PBRM1: variants seen among roughly 807,000 people sequenced by gnomAD.
PBRM1 encodes polybromo 1, also known as protein polybromo-1.
Under a neutral mutation model 194.5 loss-of-function variants are expected in PBRM1, and 27 were observed. That is an observed-to-expected ratio of 0.14 (90% confidence interval 0.10 to 0.19). The LOEUF (loss-of-function observed/expected upper bound fraction) is 0.19. Among genes scored for constraint, PBRM1 ranks in the 10% least tolerant of loss-of-function variants. The pLI, the probability that PBRM1 is intolerant of heterozygous loss-of-function variation, is 1.00. For missense variants in PBRM1, 1,466 were observed against 2,077.2 expected (o/e 0.71, Z 5.72); for synonymous variants, 655 against 693.2 (o/e 0.94, Z 0.87).
exon 30 of PBRM1, chr3:52,547,999 A>C: frequency 2.9e-6 from 4 of 1,383,158 alleles, no homozygotes; most frequent in Non-Finnish European, 4.0e-6. Context: ...CACCCCCAGT[A>C]ACTAAAATGG....
intron 29 of PBRM1, 100 bp downstream of exon 31, chr3:52,550,321 G>T: frequency 2.2e-6 from 1 of 461,738 alleles, no homozygotes; most frequent in Non-Finnish European, 3.7e-6. Flanking sequence ...AATTGTATAA[G>T]AAAAAGGGGT....
chr3:52,677,788 T>C (rs1420351677), intron 2 of PBRM1, among the ~76,000 whole-genome samples: 1 of 152,210 alleles, frequency 6.6e-6, no homozygotes, highest in Non-Finnish European at 1.5e-5. Context: ...CTCGAACTCC[T>C]GGCCTCAGGT....
chr3:52,618,658 G>A (rs940066843), intron 13 of PBRM1, among the ~76,000 whole-genome samples: 1 of 147,320 alleles, frequency 6.8e-6, no homozygotes, highest in African/African-American at 2.5e-5. Flanking sequence ...GCAATGGCAC[G>A]ATCTCAGCTC....
chr3:52,654,110 T>C (rs1426165406), intron 5 of PBRM1, among the ~76,000 whole-genome samples: 1 of 152,168 alleles, frequency 6.6e-6, no homozygotes, highest in Non-Finnish European at 1.5e-5. Flanking sequence ...AAGTTGGTCT[T>C]ATCAGATGGG....
intron 3 of PBRM1, among the ~76,000 whole-genome samples, chr3:52,662,645 G>A (rs530637586): frequency 6.6e-6 from 1 of 152,156 alleles, no homozygotes; most frequent in Non-Finnish European, 1.5e-5. Context: ...GGCCAACATG[G>A]TGAAACCCCG....
intron 27 of PBRM1, among the ~76,000 whole-genome samples, chr3:52,554,407 G>A (rs2081768954): frequency 6.6e-6 from 1 of 152,250 alleles, no homozygotes; most frequent in Admixed American, 6.5e-5. Context: ...CAGCCTTCTA[G>A]GCTGTCTGGC....
At chr3:52,605,294 C>G (rs780802696) in intron 16 of PBRM1, among the ~76,000 whole-genome samples, 5 of 152,002 alleles carry the variant, frequency 3.3e-5, no homozygotes, top group Non-Finnish European at 5.9e-5. Context: ...GTGATCCTCC[C>G]TCTTCAGCCT....
At chr3:52,662,935 G>A (rs538061800) in intron 3 of PBRM1, among the ~76,000 whole-genome samples, 44 of 151,986 alleles carry the variant, frequency 2.9e-4, no homozygotes, top group African/African-American at 1.0e-3. Flanking sequence ...AGCTAATGAC[G>A]GTTCTGATGT....
chr3:52,670,143 A>G (rs2096918110), intron 2 of PBRM1, among the ~76,000 whole-genome samples: 3 of 152,334 alleles, frequency 2.0e-5, no homozygotes, highest in Non-Finnish European at 2.9e-5. Context: ...ACAATTGAGA[A>G]TTCAATGAGA....
In PBRM1 at chr3:52,609,121, G is replaced by A; in HGVS notation, c.2567+192C>T. Reference sequence around the variant, plus strand: ...CACTGGCCTTAAACTAGATGACTTAGTGGTGTGCCTTCTCTCCCCCACAGA... The same window carrying A: ...CACTGGCCTTAAACTAGATGACTTAATGGTGTGCCTTCTCTCCCCCACAGA... On this transcript the variant is annotated intron_variant, in intron 16 of 29. Transcript: ENST00000296302. This position sits in a 1 kb window ranked among gnomAD's most constrained non-coding sequence, Gnocchi z 4.1. 2 of 547,762 alleles carry A rather than the reference G, an allele frequency of 3.7e-6. No individual in the cohort carries two copies. Among genetic ancestry groups the A allele is most frequent in the Non-Finnish European group, 6.4e-6 (2 of 311,938 alleles). 33.9% of individuals were successfully genotyped at this position (547,762 alleles called of 1,614,324 possible). A position where few individuals can be genotyped will look rare whatever the true frequency, so the allele number is the denominator to read the frequency against.
intron 17 of PBRM1, among the ~76,000 whole-genome samples, chr3:52,601,471 T>C (rs189732520): frequency 1.3e-5 from 2 of 152,096 alleles, no homozygotes; most frequent in African/African-American, 4.8e-5. Flanking sequence ...ATAGGGTTCA[T>C]GCTCCTATGA....
upstream of PBRM1, chr3:52,682,168 TCA>T (rs1440386925): frequency 6.6e-6 from 1 of 152,076 alleles, no homozygotes; most frequent in African/African-American, 2.4e-5. Flanking sequence ...CAGAGTTCAA[TCA>T]CAGAGCTGGA....
At chr3:52,633,636 A>G (rs747797667) in intron 11 of PBRM1, among the ~76,000 whole-genome samples, 33 of 152,324 alleles carry the variant, frequency 2.2e-4, no homozygotes, top group Non-Finnish European at 4.0e-4. Context: ...CTATCTGCAC[A>G]GAGGTTCCAA....
At chr3:52,625,894 T>C (rs1012124205) in intron 13 of PBRM1, among the ~76,000 whole-genome samples, 2 of 152,132 alleles carry the variant, frequency 1.3e-5, no homozygotes, top group Non-Finnish European at 2.9e-5. Flanking sequence ...TTTAGCTTAT[T>C]TGAGTGTCCC....
At chr3:52,587,640 G>A (rs1204024335) in intron 18 of PBRM1, 130 bp from the exon 21 acceptor site, 4 of 682,534 alleles carry the variant, frequency 5.9e-6, no homozygotes, top group East Asian at 2.8e-5. Context: ...GAATTCCTGG[G>A]CCAAAGTGGT....
chr3:52,556,944 T>TA (rs2082353725), intron 26 of PBRM1, among the ~76,000 whole-genome samples: 2 of 150,606 alleles, frequency 1.3e-5, no homozygotes, highest in African/African-American at 4.9e-5. Context: ...TTTTTTTTTT[T>TA]AATTGTTTTT....
chr3:52,612,854 C>T (rs1450948383), intron 15 of PBRM1, among the ~76,000 whole-genome samples: 3 of 147,032 alleles, frequency 2.0e-5, no homozygotes, highest in South Asian at 4.2e-4. Flanking sequence ...TGTAGTGAGC[C>T]GAGATCGTGC....
At chr3:52,679,601 T>G (rs2154065935) in exon 1 of PBRM1, 1 of 1,613,792 alleles carries the variant, frequency 6.2e-7, no homozygotes, top group Admixed American at 1.7e-5. Context: ...GATTGGAAAG[T>G]CTCCTCCTTT....
intron 10 of PBRM1, among the ~76,000 whole-genome samples, chr3:52,641,529 C>A: frequency 6.9e-6 from 1 of 145,084 alleles, no homozygotes; most frequent in African/African-American, 2.5e-5. Flanking sequence ...TTTATCTTTA[C>A]ACATAAAAAA....
Sources: allele counts gnomAD v4.1 joint callset (sites outside exome capture counted in the v4.1 genomes callset), GRCh38; gene constraint gnomAD v4.1.1; non-coding constraint Gnocchi (gnomAD v3.1); transcripts MANE v1.5; gene names NCBI Gene and HGNC (gene_info 2026-07-23, HGNC 2026-07-21).